The following BCAS3 variants were observed in gnomAD, a reference collection of about 807,000 sequenced individuals.
BCAS3 encodes the protein BCAS3 microtubule associated cell migration factor, also known as BCAS4/BCAS3 fusion.
A neutral mutation model predicts 116.1 loss-of-function variants in BCAS3; 53 were observed. The ratio of observed to expected loss-of-function variants is 0.46; its 90% CI spans 0.37 to 0.57. The LOEUF (loss-of-function observed/expected upper bound fraction) is 0.57. BCAS3 is among the 20% of genes least tolerant of loss of function. BCAS3 has a pLI of 0.00. For missense variants in BCAS3, 917 were observed against 1,165.4 expected (o/e 0.79, Z 3.10); for synonymous variants, 391 against 408.2 (o/e 0.96, Z 0.51).
intron 11 of BCAS3, among the ~76,000 whole-genome samples, chr17:60,907,319 A>C (rs565888200): frequency 6.6e-6 from 1 of 152,244 alleles, no homozygotes; most frequent in African/African-American, 2.4e-5. Flanking sequence ...TAGTTCCCTC[A>C]TTACCGTCTT....
intron 13 of BCAS3, among the ~76,000 whole-genome samples, chr17:60,944,338 ATC>A (rs2060374432): frequency 6.6e-6 from 1 of 152,136 alleles, no homozygotes; most frequent in Non-Finnish European, 1.5e-5. Flanking sequence ...AAAGTAATTC[ATC>A]AAAGAAGAAA....
rs527474370 is a variant in BCAS3 at position 60,682,568 on chromosome 17, G to A, written c.84-1414G>A. On this transcript the variant is annotated intron_variant, in intron 2 of 23. Transcript: ENST00000407086. Reference sequence around the variant, plus strand: ...GACAGAGTCTTGCTTTTTTGCCCAAGCTGGAGTGCAGTGGCGCGGTCTTGA... The same window carrying A: ...GACAGAGTCTTGCTTTTTTGCCCAAACTGGAGTGCAGTGGCGCGGTCTTGA... Among the ~76,000 whole-genome samples, 3 of 152,106 alleles carry A rather than the reference G, an allele frequency of 2.0e-5. No individual in the cohort carries two copies. The South Asian group carries it at 6.2e-4, about 32-fold the overall frequency.
intron 6 of BCAS3, among the ~76,000 whole-genome samples, chr17:60,806,329 A>G (rs2048284523): frequency 6.6e-6 from 1 of 152,174 alleles, no homozygotes; most frequent in African/African-American, 2.4e-5. Flanking sequence ...TCTTCTTGGT[A>G]TGTAGGAAGG....
chr17:60,945,327 T>C (rs986151686), intron 13 of BCAS3, among the ~76,000 whole-genome samples: 6 of 152,148 alleles, frequency 3.9e-5, no homozygotes, highest in Non-Finnish European at 7.4e-5. Flanking sequence ...CAAATTAATT[T>C]ATTACACTCA....
At position 61,084,824 on chromosome 17, in the gene BCAS3, G is replaced by T. The variant is rs2072946321; in HGVS notation, c.2425+260G>T. 6.6e-6 allele frequency among the ~76,000 whole-genome samples: 1 copy of T among 152,198 alleles called. No individual in the cohort carries two copies. Among genetic ancestry groups the T allele is most frequent in the Admixed American group, 6.5e-5 (1 of 15,280 alleles). ...TGAACATAGTATTGAAGGCTACAGG[G>T]TTGATGACTGTTTTGCCTTTGATCA... On this transcript the variant is annotated intron_variant, in intron 22 of 23. Coordinates refer to ENST00000407086, the MANE Select transcript of BCAS3 (RefSeq NM_017679.5). The surrounding 1 kb of genome is among the most constrained non-coding windows in gnomAD (Gnocchi z 5.5).
At chr17:60,721,058 G>A (rs1413151655) in intron 5 of BCAS3, among the ~76,000 whole-genome samples, 1 of 152,078 alleles carries the variant, frequency 6.6e-6, no homozygotes, top group Admixed American at 6.6e-5. Flanking sequence ...AATATGCAAG[G>A]GCATTCTTGA....
chr17:61,254,299 C>T (rs955331719), intron 22 of BCAS3, among the ~76,000 whole-genome samples: 1 of 152,204 alleles, frequency 6.6e-6, no homozygotes, highest in Non-Finnish European at 1.5e-5. Flanking sequence ...GGCTTGCTTT[C>T]AGAATGCTTA....
intron 22 of BCAS3, among the ~76,000 whole-genome samples, chr17:61,280,059 C>G (rs1011696965): frequency 6.6e-6 from 1 of 152,094 alleles, no homozygotes; most frequent in Non-Finnish European, 1.5e-5. Flanking sequence ...TCAAGAAATC[C>G]TCTGGTTCAA....
Position 61,368,530 on chromosome 17 carries a change from C to A in BCAS3, c.2593+36C>A. On this transcript the variant is annotated intron_variant, in intron 23 of 23. Coordinates refer to ENST00000407086, the MANE Select transcript of BCAS3 (RefSeq NM_017679.5). The surrounding 1 kb of genome is among the most constrained non-coding windows in gnomAD (Gnocchi z 6.0). ...CATCAGACTTCTAGCCTGATTTGGT[C>A]AGGACCAGCACCTGTTGGTGCAGAG... The A allele has an allele frequency of 2.6e-6, 4 of 1,564,898 alleles. No individual in the cohort carries two copies. The highest frequency in any genetic ancestry group is 1.2e-5 in the South Asian group (1 of 85,898).
chr17:61,049,342 A>C (rs2068626681), intron 19 of BCAS3, among the ~76,000 whole-genome samples: 1 of 152,066 alleles, frequency 6.6e-6, no homozygotes, highest in Non-Finnish European at 1.5e-5. Flanking sequence ...GCAGAAGAAA[A>C]GATTAGTGAA....
In BCAS3 at chr17:61,214,090, A is replaced by G. The variant is rs1042850536; in HGVS notation, c.2425+129526A>G. ...CTCGTTTGAGCTATAGGAATAGGCC[A>G]TTCGTGGTGGCTCACACCTGTAATC... On this transcript the variant is annotated intron_variant, in intron 22 of 23. Coordinates refer to ENST00000407086, the MANE Select transcript of BCAS3 (RefSeq NM_017679.5). The surrounding 1 kb of genome is among the most constrained non-coding windows in gnomAD (Gnocchi z 4.4). Among the ~76,000 whole-genome samples the G allele has an allele frequency of 2.0e-5, 3 of 152,132 alleles. No individual in the cohort carries two copies. The highest frequency in any genetic ancestry group is 7.2e-5 in the African/African-American group (3 of 41,426).
Position 61,220,372 on chromosome 17 carries a change from C to T in BCAS3, c.2425+135808C>T, listed in dbSNP as rs941842405. ...AATAATCTATTTGGAGAATATCAGG[C>T]CCACAGCTTCTATTTTCTATTTAAT... On this transcript the variant is annotated intron_variant, in intron 22 of 23. Coordinates refer to ENST00000407086, the MANE Select transcript of BCAS3 (RefSeq NM_017679.5). The surrounding 1 kb of genome is among the most constrained non-coding windows in gnomAD (Gnocchi z 4.5). Among the ~76,000 whole-genome samples the T allele has an allele frequency of 6.6e-6, 1 of 152,150 alleles. No homozygotes were observed. Among genetic ancestry groups the T allele is most frequent in the African/African-American group, 2.4e-5 (1 of 41,432 alleles).
At chr17:61,294,057 C>A (rs1378800713) in intron 22 of BCAS3, among the ~76,000 whole-genome samples, 1 of 152,212 alleles carries the variant, frequency 6.6e-6, no homozygotes, top group Non-Finnish European at 1.5e-5. Flanking sequence ...GCCACAGCAT[C>A]ATTTTTCTGC....
rs996258228 is a variant in BCAS3 at position 61,013,243 on chromosome 17, A to G, written c.1487-2508A>G. 1.3e-5 allele frequency among the ~76,000 whole-genome samples: 2 copies of G among 152,094 alleles called. No homozygotes were observed. Among genetic ancestry groups the G allele is most frequent in the African/African-American group, 4.8e-5 (2 of 41,436 alleles). The stretch of plus-strand genomic sequence containing the variant: ...TGCCTGTTAGACTGTAAGCTTCATG[A>G]TAACAAGGAAAACAGTCCCTTACAG... On this transcript the variant is annotated intron_variant, in intron 15 of 23. Coordinates refer to ENST00000407086, the MANE Select transcript of BCAS3 (RefSeq NM_017679.5). The surrounding 1 kb of genome is among the most constrained non-coding windows in gnomAD (Gnocchi z 4.4).
chr17:61,267,624 T>TGGATGGA (rs2049854108), intron 22 of BCAS3, among the ~76,000 whole-genome samples: 1 of 146,514 alleles, frequency 6.8e-6, no homozygotes, highest in African/African-American at 2.5e-5. Flanking sequence ...GTAATCCTCC[T>TGGATGGA]GGATTACAGG....
intron 22 of BCAS3, among the ~76,000 whole-genome samples, chr17:61,209,037 A>G (rs2081306100): frequency 6.6e-6 from 1 of 152,178 alleles, no homozygotes; most frequent in Admixed American, 6.5e-5. Context: ...TTTGTTAGCA[A>G]ACAACCAGCT....
intron 22 of BCAS3, among the ~76,000 whole-genome samples, chr17:61,177,135 C>T (rs1456216763): frequency 1.3e-5 from 2 of 152,200 alleles, no homozygotes; most frequent in African/African-American, 4.8e-5. Flanking sequence ...TTTTGGAAAA[C>T]TCCTTGCTAG....
chr17:61,201,021 A>T lies in BCAS3; in HGVS notation c.2425+116457A>T, dbSNP rs577822603. ...GCAAGAAAGGACAAATAGTATATAT[A>T]AAAAAAAAAAGAATTATAGGTCATA... On this transcript the variant is annotated intron_variant, in intron 22 of 23. Transcript: ENST00000407086. Among the ~76,000 whole-genome samples the T allele has an allele frequency of 1.7e-4, 25 of 148,120 alleles. No homozygotes were observed. The South Asian group carries it at 2.4e-3, about 14-fold the overall frequency.
At chr17:61,003,468 T>G (rs1342622764) in intron 15 of BCAS3, among the ~76,000 whole-genome samples, 1 of 148,166 alleles carries the variant, frequency 6.7e-6, no homozygotes, top group Non-Finnish European at 1.5e-5. Context: ...TTCTTTGCCT[T>G]TTTAAATCGA....
Sources: allele counts gnomAD v4.1 joint callset (sites outside exome capture counted in the v4.1 genomes callset), GRCh38; gene constraint gnomAD v4.1.1; non-coding constraint Gnocchi (gnomAD v3.1); transcripts MANE v1.5; gene names NCBI Gene and HGNC (gene_info 2026-07-23, HGNC 2026-07-21).